Variants in PSD3 observed in about 807,000 individuals in gnomAD.
PSD3 encodes the protein pleckstrin and Sec7 domain containing 3, also known as PH and SEC7 domain-containing protein 3.
A neutral mutation model predicts 105.5 loss-of-function variants in PSD3; 49 were observed. That is an observed-to-expected ratio of 0.46 (90% CI 0.37 to 0.59). The LOEUF (loss-of-function observed/expected upper bound fraction) is 0.59. Among genes scored for constraint, PSD3 ranks in the 20% least tolerant of loss-of-function variants. PSD3 has a pLI of 0.00. For missense variants in PSD3, 1,561 were observed against 1,263.8 expected (o/e 1.24, Z -3.57); for synonymous variants, 557 against 457.8 (o/e 1.22, Z -2.77).
At chr8:18,847,143 C>T (rs1474609830) in intron 4 of PSD3, among the ~76,000 whole-genome samples, 1 of 152,128 alleles carries the variant, frequency 6.6e-6, no homozygotes, top group African/African-American at 2.4e-5. Flanking sequence ...TGCTTTCATG[C>T]GAGAAACCAG....
intron 8 of PSD3, among the ~76,000 whole-genome samples, chr8:18,796,628 T>A (rs2129446833): frequency 6.6e-6 from 1 of 152,222 alleles, no homozygotes; most frequent in African/African-American, 2.4e-5. Flanking sequence ...AAAGGAAAGG[T>A]TCACCAAGAG....
chr8:19,043,043 C>T (rs1234148908), intron 1 of PSD3, among the ~76,000 whole-genome samples: 1 of 152,142 alleles, frequency 6.6e-6, no homozygotes, highest in Non-Finnish European at 1.5e-5. Flanking sequence ...TATCCATAAA[C>T]TACTTTGACC....
chr8:18,866,283 C>A (rs1054400336), intron 4 of PSD3, among the ~76,000 whole-genome samples: 2 of 152,208 alleles, frequency 1.3e-5, no homozygotes, highest in African/African-American at 4.8e-5. Flanking sequence ...GGAATGCCTC[C>A]TCGCCAGTAC....
chr8:18,771,321 C>A (rs973324252), intron 8 of PSD3, among the ~76,000 whole-genome samples: 1 of 152,202 alleles, frequency 6.6e-6, no homozygotes, highest in Admixed American at 6.5e-5. Context: ...AATTTCCCTG[C>A]CTCTTGTCCC....
chr8:18,657,945 G>A (rs1271575899), intron 9 of PSD3, among the ~76,000 whole-genome samples: 9 of 152,156 alleles, frequency 5.9e-5, no homozygotes, highest in African/African-American at 2.2e-4. Flanking sequence ...ATTCATTTCT[G>A]TTCTAGCACA....
chr8:18,621,312 G>T (rs947584303), intron 11 of PSD3, among the ~76,000 whole-genome samples: 10 of 152,174 alleles, frequency 6.6e-5, no homozygotes, highest in African/African-American at 2.4e-4. Context: ...GGAGGCCACA[G>T]TAGGAGAATT....
chr8:18,827,244 G>C (rs1161313022), intron 4 of PSD3, among the ~76,000 whole-genome samples: 1 of 152,146 alleles, frequency 6.6e-6, no homozygotes, highest in Non-Finnish European at 1.5e-5. Flanking sequence ...TGCTTCAATG[G>C]GAAAAGGTTA....
At chr8:18,627,747 C>G (rs993612848) in intron 11 of PSD3, among the ~76,000 whole-genome samples, 2 of 150,406 alleles carry the variant, frequency 1.3e-5, no homozygotes, top group Non-Finnish European at 3.0e-5. Context: ...AAAGTAGCAC[C>G]TGAAAAATGG....
In PSD3 at chr8:18,916,349, T is replaced by TACACACACAC. The variant is rs1216820670; in HGVS notation, c.130+19675_130+19684dup. Among the ~76,000 whole-genome samples, 64 of 44,680 alleles carry TACACACACAC rather than the reference T, an allele frequency of 1.4e-3. 2 individuals are homozygous for TACACACACAC. The highest frequency in any genetic ancestry group is 5.0e-3 in the East Asian group (5 of 992). The allele number at this position is 44,680 out of a possible 152,430, so 29.3% of individuals were successfully genotyped here. Reference sequence around the variant, plus strand: ...ATATATATATATATATATATATATATACACACACACACACACACACACACA... The same window carrying TACACACACAC: ...ATATATATATATATATATATATATATACACACACACACACACACACACACACACACACACA... On this transcript the variant is annotated intron_variant, in intron 2 of 15. Transcript: ENST00000327040.
At chr8:18,686,622 C>A (rs890025647) in intron 9 of PSD3, among the ~76,000 whole-genome samples, 6 of 152,174 alleles carry the variant, frequency 3.9e-5, no homozygotes, top group Admixed American at 3.9e-4. Context: ...GCTGTACAGA[C>A]CTCAGCATCC....
intron 11 of PSD3, among the ~76,000 whole-genome samples, chr8:18,614,484 A>C (rs557909544): frequency 6.6e-6 from 1 of 152,114 alleles, no homozygotes; most frequent in African/African-American, 2.4e-5. Context: ...AGGTAGAATA[A>C]AACTGTGGTC....
intron 4 of PSD3, among the ~76,000 whole-genome samples, chr8:18,815,616 C>A (rs1326889388): frequency 6.6e-6 from 1 of 152,144 alleles, no homozygotes; most frequent in Non-Finnish European, 1.5e-5. Context: ...CAGCCCCTTT[C>A]TTCAAATTCT....
intron 1 of PSD3, among the ~76,000 whole-genome samples, chr8:19,034,782 G>A (rs537569820): frequency 4.6e-5 from 7 of 152,200 alleles, no homozygotes; most frequent in East Asian, 1.9e-4. Context: ...GCTTCCACAC[G>A]TTCACTCTGG....
At chr8:18,767,843 A>G (rs1351071723) in intron 8 of PSD3, among the ~76,000 whole-genome samples, 3 of 152,150 alleles carry the variant, frequency 2.0e-5, no homozygotes, top group Non-Finnish European at 4.4e-5. Context: ...TATGCTTTTC[A>G]AGGTCACGCT....
At chr8:19,070,188 A>G (rs1481500690) in intron 1 of PSD3, among the ~76,000 whole-genome samples, 1 of 152,108 alleles carries the variant, frequency 6.6e-6, no homozygotes, top group Admixed American at 6.5e-5. Flanking sequence ...CGAGAGGCAT[A>G]AAGACTTACA....
intron 8 of PSD3, among the ~76,000 whole-genome samples, chr8:18,785,345 A>G (rs1266864781): frequency 2.6e-5 from 4 of 152,216 alleles, no homozygotes; most frequent in Non-Finnish European, 5.9e-5. Flanking sequence ...TCCACCAAGC[A>G]TTTTAGGTTA....
intron 8 of PSD3, chr8:18,799,094 C>A: frequency 1.9e-6 from 1 of 527,570 alleles, no homozygotes; most frequent in Non-Finnish European, 3.4e-6. Flanking sequence ...GACACCAGGA[C>A]GATGGATTTA....
intron 9 of PSD3, among the ~76,000 whole-genome samples, chr8:18,706,031 C>G (rs183272703): frequency 6.6e-6 from 1 of 152,216 alleles, no homozygotes; most frequent in Admixed American, 6.5e-5. Context: ...AAATAGGGCC[C>G]ATGTCCCATT....
chr8:18,938,376 C>A (rs771306144), intron 1 of PSD3, among the ~76,000 whole-genome samples: 1 of 151,524 alleles, frequency 6.6e-6, no homozygotes, highest in Non-Finnish European at 1.5e-5. Context: ...AATCTTAGCA[C>A]TCTGGGAGGC....
Sources: gnomAD v4.1 joint callset for allele counts (sites outside exome capture counted in the v4.1 genomes callset) on GRCh38, gnomAD v4.1.1 for gene constraint, MANE v1.5 for transcripts, NCBI Gene and HGNC (gene_info 2026-07-23, HGNC 2026-07-21) for gene names.